The following ATAD3B variants were observed in gnomAD, a reference collection of about 807,000 sequenced individuals.
The protein encoded by ATAD3B is ATPase family AAA domain containing 3B.
ATAD3B carries 59 observed loss-of-function variants against 70.2 expected under a neutral mutation model. That is an observed-to-expected ratio of 0.84 (90% CI 0.68 to 1.04). ATAD3B has a LOEUF of 1.04. Ranked by LOEUF, ATAD3B falls within the 50% of genes least tolerant of loss-of-function variation. The probability of loss-of-function intolerance (pLI) is 0.00; values close to 1 mark genes in which losing one functional copy is unlikely to be tolerated. For synonymous variants in ATAD3B, 423 were observed against 388.6 expected (o/e 1.09, Z -1.04); for missense variants, 961 against 913.4 (o/e 1.05, Z -0.67).
intron 1 of ATAD3B, among the ~76,000 whole-genome samples, chr1:1,472,667 G>C (rs113708416): frequency 0.012 from 1,843 of 152,160 alleles, 48 homozygotes; most frequent in Non-Finnish European, 0.017. Context: ...AGCACTGACT[G>C]CACCTTCCCT....
At chr1:1,478,199 G>T (rs1177637299) in intron 2 of ATAD3B, 1 of 351,510 alleles carries the variant, frequency 2.8e-6, no homozygotes, top group Non-Finnish European at 5.2e-6. Flanking sequence ...GGTTCAGCAT[G>T]TTGTCCAGGT....
chr1:1,504,666 A>AAGAG, the ATAD3B span, among the ~76,000 whole-genome samples: 7,468 of 151,404 alleles, frequency 0.049, 438 homozygotes, highest in African/African-American at 0.14. Context: ...CAAAAAAAAA[A>AAGAG]AGAGAGAACA....
intron 15 of ATAD3B, 68 bp downstream of exon 15, chr1:1,490,739 A>G: frequency 6.5e-7 from 1 of 1,531,164 alleles, no homozygotes. Flanking sequence ...CAGTTGCGCC[A>G]GGCCTGTCCC....
intron 1 of ATAD3B, among the ~76,000 whole-genome samples, chr1:1,475,185 C>T (rs1308505430): frequency 1.3e-5 from 2 of 149,722 alleles, no homozygotes; most frequent in Non-Finnish European, 3.0e-5. Flanking sequence ...TGTGGTGGAG[C>T]GGGGCCCGGG....
At chr1:1,495,373 G>A in intron 15 of ATAD3B, 112 bp from the exon 16 acceptor site, 1 of 1,401,936 alleles carries the variant, frequency 7.1e-7, no homozygotes, top group Non-Finnish European at 9.6e-7. Context: ...GTTTCACCCT[G>A]AGGTTGTCCT....
chr1:1,487,219 G>C (rs368934506), intron 11 of ATAD3B, among the ~76,000 whole-genome samples: 1 of 151,930 alleles, frequency 6.6e-6, no homozygotes, highest in South Asian at 2.1e-4. Flanking sequence ...CGCCAGGCGT[G>C]GTGGCTCACG....
In ATAD3B at chr1:1,482,621, A is replaced by G. The variant is rs752989285; in HGVS notation, c.750+7A>G. On this transcript the variant is annotated splice_region_variant and intron_variant, in intron 7 of 15. Transcript: ENST00000673477. ...GGACAAAGTGACAGCCACGGTAAAC[A>G]TATTCATAAAACAGGGCTGGCAGGT... 9.9e-6 allele frequency: 16 copies of G among 1,613,358 alleles called. No individual in the cohort carries two copies. In the South Asian group the frequency reaches 1.4e-4, roughly 14 times the overall value.
At chr1:1,509,349 T>C in the ATAD3B span, 1 of 1,610,732 alleles carries the variant, frequency 6.2e-7, no homozygotes, top group Non-Finnish European at 8.5e-7. Context: ...ACCCTCATCC[T>C]GAGTCCATGG....
At chr1:1,476,658 G>T (rs1262611562) in intron 1 of ATAD3B, among the ~76,000 whole-genome samples, 4 of 150,628 alleles carry the variant, frequency 2.7e-5, no homozygotes, top group Non-Finnish European at 5.9e-5. Context: ...ACAAGTGCCC[G>T]CCGCCACGCC....
chr1:1,478,738 A>C lies in ATAD3B; in HGVS notation c.377A>C (p.His126Pro). ...RKTLSEETRQ[H>P]QARAQYQDKL... Reference sequence around the variant, plus strand: ...ACCCTGAGCGAGGAGACCCGGCAGCACCAGGCCGTAAGAGCGCAAGAGGCC... The same window carrying C: ...ACCCTGAGCGAGGAGACCCGGCAGCCCCAGGCCGTAAGAGCGCAAGAGGCC... The change falls in exon 3 of 16, where the codon CAC becomes CCC. Residue 126 changes from histidine (H) to proline (P), a missense_variant. By Grantham distance (77) the His-to-Pro change is moderately conservative. This residue lies in a region of ATAD3B where 187 missense variants were observed against 244.3 expected (regional missense o/e 0.77). Coordinates refer to ENST00000673477, the MANE Select transcript of ATAD3B (RefSeq NM_031921.6). The C allele has an allele frequency of 6.6e-7, 1 of 1,523,230 alleles. No individual in the cohort carries two copies. 94.4% of individuals were successfully genotyped at this position (1,523,230 alleles called of 1,614,324 possible).
chr1:1,482,058 G>T lies in ATAD3B; in HGVS notation c.515-80G>T, dbSNP rs1639936998. 4 of 1,537,268 alleles carry T rather than the reference G, an allele frequency of 2.6e-6. No individual in the cohort carries two copies. The East Asian group carries it at 7.2e-5, about 28-fold the overall frequency. On this transcript the variant is annotated intron_variant, in intron 5 of 15. Transcript: ENST00000673477. ...TGTCCGTGGCGTGGGCCGGTCCGTG[G>T]CGTGGGCCGGTCCACAGTGTGGGTG...
chr1:1,493,637 A>G (rs1038216498), intron 15 of ATAD3B, among the ~76,000 whole-genome samples: 2 of 151,264 alleles, frequency 1.3e-5, no homozygotes, highest in African/African-American at 4.9e-5. Context: ...TTTTTTTTTA[A>G]TCATAAAAGT....
At chr1:1,495,296 G>A (rs1183717895) in intron 15 of ATAD3B, among the ~76,000 whole-genome samples, 189 bp from the exon 16 acceptor site, 5 of 152,184 alleles carry the variant, frequency 3.3e-5, no homozygotes, top group African/African-American at 1.2e-4. Flanking sequence ...CAGGGCTGTG[G>A]GCACTGCAGG....
At chr1:1,483,519 C>T in intron 7 of ATAD3B, 1 of 187,644 alleles carries the variant, frequency 5.3e-6, no homozygotes, top group Non-Finnish European at 1.1e-5. Flanking sequence ...CTGGTGTAAT[C>T]CCAGCACTTT....
At position 1,485,005 on chromosome 1, in the gene ATAD3B, C is replaced by T. The variant is rs1183676958; in HGVS notation, c.751-11C>T. The T allele has an allele frequency of 5.0e-6, 8 of 1,600,098 alleles. No individual in the cohort carries two copies. The highest frequency in any genetic ancestry group is 1.3e-5 in the African/African-American group (1 of 74,794). On this transcript the variant is annotated splice_polypyrimidine_tract_variant and intron_variant, in intron 7 of 15. Transcript: ENST00000673477. ...GGGGGCCGGTGCGCCAGTGCGGTGT[C>T]TCTGCTGCAGGTGGCTGGGCTGACG...
At chr1:1,508,472 G>A in the ATAD3B span, among the ~76,000 whole-genome samples, 3 of 151,378 alleles carry the variant, frequency 2.0e-5, 1 homozygote, top group East Asian at 3.9e-4. Context: ...GTCCGGGAAG[G>A]GTCCCCTGCC....
chr1:1,472,026 A>C lies in ATAD3B; in HGVS notation c.142A>C (p.Ser48Arg). ...CCGGCCGGCGCCCAAGGACAAATGGAGCAACTTCGACCCCACCGGCCTGGA... is the reference window on the plus strand; with the variant it reads ...CCGGCCGGCGCCCAAGGACAAATGGCGCAACTTCGACCCCACCGGCCTGGA... ...GDRPAPKDKW[S>R]NFDPTGLERA... Residue 48 changes from serine to arginine, a missense_variant, in exon 1 of 16, where the codon AGC (serine) becomes CGC (arginine). Coordinates refer to ENST00000673477, the MANE Select transcript of ATAD3B (RefSeq NM_031921.6). 8.1e-7 allele frequency: 1 copy of C among 1,235,238 alleles called. No homozygotes were observed. Among genetic ancestry groups the C allele is most frequent in the Non-Finnish European group, 1.0e-6 (1 of 986,932 alleles). The allele number at this position is 1,235,238 out of a possible 1,614,324, so 76.5% of individuals were successfully genotyped here.
At position 1,471,932 on chromosome 1, in the gene ATAD3B, G is replaced by T. The variant is rs767899484; in HGVS notation, c.48G>T (p.Ala16=). 2.4e-6 allele frequency: 3 copies of T among 1,243,986 alleles called. No homozygotes were observed. Among genetic ancestry groups the T allele is most frequent in the Non-Finnish European group, 2.0e-6 (2 of 989,506 alleles). The allele number at this position is 1,243,986 out of a possible 1,614,324, so 77.1% of individuals were successfully genotyped here. A position where few individuals can be genotyped will look rare whatever the true frequency, so the allele number is the denominator to read the frequency against. The part of the protein sequence containing the change: ...GVNKGPKGEG[A]GPPPPLPPAQ... ...ACAAGGGCCCCAAGGGTGAAGGCGCGGGGCCGCCGCCGCCTTTGCCGCCCG... is the reference window on the plus strand; with the variant it reads ...ACAAGGGCCCCAAGGGTGAAGGCGCTGGGCCGCCGCCGCCTTTGCCGCCCG... Residue 16 remains alanine (A), a synonymous_variant, in exon 1 of 16, where the codon GCG becomes GCT. Coordinates refer to ENST00000673477, the MANE Select transcript of ATAD3B (RefSeq NM_031921.6).
At chr1:1,486,986 C>T (rs981539546) in intron 11 of ATAD3B, among the ~76,000 whole-genome samples, 8 of 151,366 alleles carry the variant, frequency 5.3e-5, no homozygotes, top group Admixed American at 4.0e-4. Flanking sequence ...CCCCCCAACA[C>T]GCCTGCAGGT....
Sources: gnomAD v4.1 joint callset for allele counts (sites outside exome capture counted in the v4.1 genomes callset) on GRCh38, gnomAD v4.1.1 for gene constraint, gnomAD v4.1.1 regional missense constraint, MANE v1.5 for transcripts, NCBI Gene and HGNC (gene_info 2026-07-23, HGNC 2026-07-21) for gene names.